MYLK: variants seen among roughly 807,000 people sequenced by gnomAD.
MYLK encodes myosin light chain kinase, also known as myosin light chain kinase, smooth muscle.
A neutral mutation model predicts 203.4 loss-of-function variants in MYLK; 106 were observed. The ratio of observed to expected loss-of-function variants is 0.52; its 90% confidence interval spans 0.45 to 0.61. MYLK has a LOEUF of 0.61. MYLK is among the 20% of genes least tolerant of loss of function. MYLK has a pLI of 0.00. For synonymous variants in MYLK, 867 were observed against 959.5 expected (o/e 0.90, Z 1.78); for missense variants, 2,072 against 2,442.3 (o/e 0.85, Z 3.20).
intron 3 of MYLK, among the ~76,000 whole-genome samples, chr3:123,802,267 G>A (rs1398585265): frequency 2.0e-5 from 3 of 152,200 alleles, no homozygotes; most frequent in Non-Finnish European, 4.4e-5. Context: ...GCATCCTTGA[G>A]TGACTTGGAT....
At position 123,707,948 on chromosome 3, in the gene MYLK, G is replaced by A. The variant is rs1356348708; in HGVS notation, c.2196C>T (p.Ala732=). ...WFISKPRSVT[A]SLGQSVLISC... is the part of the protein sequence containing the mutation. ...AGATGAGGACACTCTGGCCCAGGGA[G>A]GCTGTCACTGAGCGAGGCTTACTGA... is the stretch of plus-strand genomic sequence containing the variant. The change falls in exon 16 of 34, where the codon GCC becomes GCT. Residue 732 remains alanine, a synonymous_variant. Transcript: ENST00000360304. 1.2e-6 allele frequency: 2 copies of A among 1,614,192 alleles called. No individual in the cohort carries two copies. The highest frequency in any genetic ancestry group is 1.7e-6 in the Non-Finnish European group (2 of 1,180,052).
At chr3:123,653,030 G>A (rs2059267906) in intron 24 of MYLK, among the ~76,000 whole-genome samples, 1 of 152,180 alleles carries the variant, frequency 6.6e-6, no homozygotes, top group African/African-American at 2.4e-5. Flanking sequence ...GGTACCAACA[G>A]GGATGCAAAT....
At chr3:123,655,730 T>C (rs1021954466) in intron 24 of MYLK, among the ~76,000 whole-genome samples, 1 of 152,196 alleles carries the variant, frequency 6.6e-6, no homozygotes, top group Admixed American at 6.5e-5. Context: ...CTCTGTGACT[T>C]TGGGCAAGTA....
intron 2 of MYLK, among the ~76,000 whole-genome samples, chr3:123,868,016 C>A (rs2032457268): frequency 6.6e-6 from 1 of 152,228 alleles, no homozygotes; most frequent in Non-Finnish European, 1.5e-5. Flanking sequence ...TTGCTGTAGG[C>A]ACAACCTAGT....
intron 2 of MYLK, among the ~76,000 whole-genome samples, chr3:123,857,241 A>G (rs1336928458): frequency 6.6e-6 from 1 of 152,206 alleles, no homozygotes; most frequent in South Asian, 2.1e-4. Flanking sequence ...CAGTGTGGCG[A>G]TTCCTCAAGG....
chr3:123,873,051 C>T (rs949748880), intron 2 of MYLK, among the ~76,000 whole-genome samples: 1 of 152,074 alleles, frequency 6.6e-6, no homozygotes, highest in Non-Finnish European at 1.5e-5. Flanking sequence ...AAAGACATTC[C>T]TCTCACCACT....
chr3:123,718,479 C>G (rs958729231), intron 13 of MYLK, among the ~76,000 whole-genome samples: 1 of 152,188 alleles, frequency 6.6e-6, no homozygotes, highest in Non-Finnish European at 1.5e-5. Context: ...GAATGGTGAG[C>G]CCCCGCATTC....
chr3:123,732,686 T>A (rs956138168), intron 11 of MYLK, among the ~76,000 whole-genome samples: 2 of 152,178 alleles, frequency 1.3e-5, no homozygotes, highest in Non-Finnish European at 2.9e-5. Context: ...TGCATGTTTA[T>A]TTTGAGGTGA....
intron 2 of MYLK, among the ~76,000 whole-genome samples, chr3:123,845,713 T>C (rs1358322661): frequency 6.6e-6 from 1 of 152,066 alleles, no homozygotes; most frequent in Admixed American, 6.6e-5. Flanking sequence ...TGGAGTACAA[T>C]GGCAATCATA....
At chr3:123,701,726 G>T (rs781611580) in intron 16 of MYLK, among the ~76,000 whole-genome samples, 1 of 152,208 alleles carries the variant, frequency 6.6e-6, no homozygotes, top group Non-Finnish European at 1.5e-5. Context: ...AAGAAAAAAA[G>T]AATGTCTGGA....
intron 20 of MYLK, among the ~76,000 whole-genome samples, chr3:123,667,697 T>G (rs1013812698): frequency 2.0e-5 from 3 of 152,126 alleles, no homozygotes; most frequent in Middle Eastern, 3.4e-3. Context: ...CAAAAAAGAA[T>G]ATCAGTTCTC....
chr3:123,814,077 T>C (rs528797004), intron 3 of MYLK: 9 of 259,052 alleles, frequency 3.5e-5, no homozygotes, highest in South Asian at 1.8e-4. Context: ...ATCTTCCCCA[T>C]GCAGCTGTGT....
chr3:123,882,095 C>T (rs1560314864), intron 1 of MYLK, among the ~76,000 whole-genome samples: 4 of 152,220 alleles, frequency 2.6e-5, no homozygotes, highest in Non-Finnish European at 2.9e-5. Context: ...GGAAGCAGCC[C>T]CTGATGAAGG....
chr3:123,720,074 A>G (rs552908708), intron 13 of MYLK, among the ~76,000 whole-genome samples: 29 of 152,254 alleles, frequency 1.9e-4, no homozygotes, highest in African/African-American at 5.3e-4. Flanking sequence ...ATGGTATCTG[A>G]GCCTGTCTGG....
In MYLK at chr3:123,733,107, A is replaced by C; in HGVS notation, c.1310-5T>G. The C allele has an allele frequency of 3.1e-6, 5 of 1,613,184 alleles. No homozygotes were observed. Among genetic ancestry groups the C allele is most frequent in the Non-Finnish European group, 4.2e-6 (5 of 1,179,692 alleles). The stretch of plus-strand genomic sequence containing the variant: ...CAGGCTTTGGAATCCCGGAAACTAC[A>C]GGGCCAGGTAAAGAACGTGAGCTCC... On this transcript the variant is annotated splice_region_variant and splice_polypyrimidine_tract_variant and intron_variant, in intron 10 of 33. Transcript: ENST00000360304.
Position 123,657,113 on chromosome 3 carries a change from G to T in MYLK, c.4288+13C>A, listed in dbSNP as rs2059412192. 1 of 1,614,002 alleles carries T rather than the reference G, an allele frequency of 6.2e-7. No individual in the cohort carries two copies. Among genetic ancestry groups the T allele is most frequent in the Non-Finnish European group, 8.5e-7 (1 of 1,179,988 alleles). ...ATTTGTTTCAAGCCACTGATGAAGT[G>T]ATGGCAGCCTACCTTCAGGTTTCTC... On this transcript the variant is annotated intron_variant, in intron 24 of 33. Coordinates refer to ENST00000360304, the MANE Select transcript of MYLK (RefSeq NM_053025.4).
rs145576160 is a variant in MYLK at position 123,717,992 on chromosome 3, G to A, written c.1804+4136C>T. 6.9e-3 allele frequency among the ~76,000 whole-genome samples: 1,053 copies of A among 152,184 alleles called. 11 individuals are homozygous for A. Among genetic ancestry groups the A allele is most frequent in the African/African-American group, 0.023 (954 of 41,500 alleles). On this transcript the variant is annotated intron_variant, in intron 13 of 33. Coordinates refer to ENST00000360304, the MANE Select transcript of MYLK (RefSeq NM_053025.4). ...TCCTCCTGCCTCAGCCTCCTGAGTAGCTGGGACTAGAGGCATGGGCCACCA... is the reference window on the plus strand; with the variant it reads ...TCCTCCTGCCTCAGCCTCCTGAGTAACTGGGACTAGAGGCATGGGCCACCA...
chr3:123,856,654 A>G (rs969543176), intron 2 of MYLK, among the ~76,000 whole-genome samples: 9 of 152,212 alleles, frequency 5.9e-5, no homozygotes, highest in Admixed American at 1.3e-4. Context: ...AAACAGGCTC[A>G]GAGAAGTTCA....
intron 3 of MYLK, among the ~76,000 whole-genome samples, chr3:123,802,501 G>A (rs896248082): frequency 6.6e-6 from 1 of 152,270 alleles, no homozygotes; most frequent in African/African-American, 2.4e-5. Context: ...GGTGGGAGGA[G>A]CATTTCTGCT....
Sources: gnomAD v4.1 joint callset for allele counts (sites outside exome capture counted in the v4.1 genomes callset) on GRCh38, gnomAD v4.1.1 for gene constraint, MANE v1.5 for transcripts, NCBI Gene and HGNC (gene_info 2026-07-23, HGNC 2026-07-21) for gene names.